The following GFPT1 variants were observed in gnomAD, a reference collection of about 807,000 sequenced individuals.
GFPT1 encodes glutamine--fructose-6-phosphate transaminase 1, also known as glutamine--fructose-6-phosphate aminotransferase [isomerizing] 1.
A neutral mutation model predicts 92.0 loss-of-function variants in GFPT1; 40 were observed. The observed-to-expected ratio is 0.43, with a 90% CI of 0.34 to 0.57. The LOEUF is 0.57. Ranked by LOEUF, GFPT1 falls within the 20% of genes least tolerant of loss-of-function variation. The pLI is 0.02. For missense variants in GFPT1, 448 were observed against 869.1 expected, an observed-to-expected ratio of 0.52 and a Z score of 6.09; for synonymous variants, 269 against 280.6, an observed-to-expected ratio of 0.96 and a Z score of 0.41.
chr2:69,379,043 G>A (rs1050510131), intron 1 of GFPT1, among the ~76,000 whole-genome samples: 2 of 152,012 alleles, frequency 1.3e-5, no homozygotes, highest in Non-Finnish European at 2.9e-5. Context: ...TCAGGAGTTC[G>A]AAACCAGCCA....
chr2:69,329,487 C>T (rs1394345461), intron 16 of GFPT1, 63 bp from the exon 17 acceptor site: 4 of 1,276,392 alleles, frequency 3.1e-6, no homozygotes, highest in Non-Finnish European at 4.5e-6. Flanking sequence ...AATATATTGG[C>T]AGCAAATAAC....
chr2:69,387,058 C>T lies in GFPT1; in HGVS notation c.7+7G>A. 1 of 1,535,030 alleles carries T rather than the reference C, an allele frequency of 6.5e-7. No homozygotes were observed. Among genetic ancestry groups the T allele is most frequent in the South Asian group, 1.2e-5 (1 of 84,258 alleles). ...GGCAACACGCCCCCCGCTCCCGGCC[C>T]CCTTACCACACATGATGCCGGAGAC... On this transcript the variant is annotated splice_region_variant and intron_variant, in intron 1 of 19. Coordinates refer to ENST00000357308, the MANE Select transcript of GFPT1 (RefSeq NM_001244710.2).
chr2:69,342,223 T>A lies in GFPT1; in HGVS notation c.1132A>T (p.Ile378Leu). The stretch of plus-strand genomic sequence containing the variant: ...CGCCGGCATCTCTGGATCTCCTTTA[T>A]GTGATCCTTCAAACCACCCAAATTC... Reference protein sequence around the residue: ...TVNLGGLKDHIKEIQRCRRLI... With the variant: ...TVNLGGLKDHLKEIQRCRRLI... Residue 378 changes from isoleucine to leucine, a missense_variant, in exon 13 of 20, where the codon ATA (isoleucine) becomes TTA (leucine). This residue lies in a region of GFPT1 where 121 missense variants were observed against 304.3 expected (regional missense o/e 0.40). Transcript: ENST00000357308. The A allele has an allele frequency of 6.2e-7, 1 of 1,607,696 alleles. No homozygotes were observed.
Position 69,321,831 on chromosome 2 carries a change from G to T in GFPT1, c.*4358C>A, listed in dbSNP as rs1053982933. ...TTTGAGAATTTCCAAAGATGTTCTCGCTAGCCATTATTTATGGTAATTACA... is the reference window on the plus strand; with the variant it reads ...TTTGAGAATTTCCAAAGATGTTCTCTCTAGCCATTATTTATGGTAATTACA... On this transcript the variant is annotated 3_prime_UTR_variant, in exon 20 of 20. Transcript: ENST00000357308. The T allele has an allele frequency of 6.6e-6, 1 of 152,126 alleles. No individual in the cohort carries two copies. The highest frequency in any genetic ancestry group is 1.5e-5 in the Non-Finnish European group (1 of 68,016). The allele number at this position is 152,126 out of a possible 1,614,324, so 9.4% of individuals were successfully genotyped here.
chr2:69,337,308 G>A (rs1043594535), intron 15 of GFPT1, among the ~76,000 whole-genome samples: 20 of 151,762 alleles, frequency 1.3e-4, no homozygotes, highest in Admixed American at 1.0e-3. Flanking sequence ...CAAATGATCC[G>A]CCCGCCTCAG....
At chr2:69,366,458 T>C (rs1009636141) in intron 3 of GFPT1, among the ~76,000 whole-genome samples, 2 of 152,178 alleles carry the variant, frequency 1.3e-5, no homozygotes, top group Admixed American at 1.3e-4. Flanking sequence ...GTTTCTCTTC[T>C]CCCATCTACT....
At chr2:69,384,734 A>T (rs1672091369) in intron 1 of GFPT1, among the ~76,000 whole-genome samples, 1 of 150,462 alleles carries the variant, frequency 6.6e-6, no homozygotes, top group Non-Finnish European at 1.5e-5. Context: ...GAAAGAAAAG[A>T]AAGAAGAGAA....
At chr2:69,330,152 C>T (rs1670626661) in intron 15 of GFPT1, among the ~76,000 whole-genome samples, 1 of 152,124 alleles carries the variant, frequency 6.6e-6, no homozygotes, top group Admixed American at 6.5e-5. Context: ...TTGCAGTGAA[C>T]CAGGATCGCA....
chr2:69,333,085 C>T (rs930175583), intron 15 of GFPT1, among the ~76,000 whole-genome samples: 6 of 152,178 alleles, frequency 3.9e-5, no homozygotes, highest in African/African-American at 1.4e-4. Context: ...GAGTCCTCTG[C>T]CTCCGAGACT....
chr2:69,386,955 CTT>C, intron 1 of GFPT1, 108 bp downstream of exon 1: 1 of 897,578 alleles, frequency 1.1e-6, no homozygotes, highest in South Asian at 1.4e-5. Context: ...ATCACCCAGA[CTT>C]CGCACCCTCC....
In GFPT1 at chr2:69,357,955, T is replaced by C. The variant is rs554785431; in HGVS notation, c.543+374A>G. 7.2e-5 allele frequency among the ~76,000 whole-genome samples: 11 copies of C among 152,292 alleles called. No individual in the cohort carries two copies. The East Asian group carries it at 2.1e-3, about 29-fold the overall frequency. On this transcript the variant is annotated intron_variant, in intron 6 of 19. Coordinates refer to ENST00000357308, the MANE Select transcript of GFPT1 (RefSeq NM_001244710.2). ...GTGAAGCTACTATTGTGCTAAGTTA[T>C]TGGTTGAGAAGAACACTCGGATGAG...
intron 4 of GFPT1, among the ~76,000 whole-genome samples, chr2:69,360,648 G>A (rs904989280): frequency 6.6e-6 from 1 of 151,872 alleles, no homozygotes; most frequent in Non-Finnish European, 1.5e-5. Context: ...TGTTGCCCAG[G>A]CTAGTCTCCT....
At chr2:69,332,458 C>T (rs113903221) in intron 15 of GFPT1, among the ~76,000 whole-genome samples, 6 of 151,850 alleles carry the variant, frequency 4.0e-5, no homozygotes, top group East Asian at 1.9e-4. Flanking sequence ...GGATTACAGG[C>T]GCCCGCCACC....
At chr2:69,335,311 T>C (rs1488411097) in intron 15 of GFPT1, among the ~76,000 whole-genome samples, 2 of 152,272 alleles carry the variant, frequency 1.3e-5, no homozygotes, top group South Asian at 4.1e-4. Flanking sequence ...CCAGCCTGTA[T>C]GTAAAATTTT....
intron 15 of GFPT1, among the ~76,000 whole-genome samples, chr2:69,332,496 T>C (rs1204653085): frequency 6.6e-6 from 1 of 151,772 alleles, no homozygotes; most frequent in Non-Finnish European, 1.5e-5. Flanking sequence ...TCGTGTTTTT[T>C]TAGTAGAGAC....
At chr2:69,332,212 A>G (rs1670679430) in intron 15 of GFPT1, among the ~76,000 whole-genome samples, 1 of 152,094 alleles carries the variant, frequency 6.6e-6, no homozygotes, top group African/African-American at 2.4e-5. Flanking sequence ...TTGTGCTAGG[A>G]ATTTAATGCT....
chr2:69,328,451 A>C lies in GFPT1; in HGVS notation c.1726-13T>G. ...TTTCTTTGATTTTCTAATAGGAAAG[A>C]ACCAGATTTGTCTTCAATCCACTTT... On this transcript the variant is annotated splice_polypyrimidine_tract_variant and intron_variant, in intron 17 of 19. Transcript: ENST00000357308. 6.3e-7 allele frequency: 1 copy of C among 1,599,974 alleles called. No homozygotes were observed. The highest frequency in any genetic ancestry group is 8.6e-7 in the Non-Finnish European group (1 of 1,167,136).
At chr2:69,365,429 G>A (rs57426400) in intron 3 of GFPT1, among the ~76,000 whole-genome samples, 1 of 152,068 alleles carries the variant, frequency 6.6e-6, no homozygotes, top group East Asian at 1.9e-4. Flanking sequence ...CTGAGATCAT[G>A]CCACTGCCCT....
intron 12 of GFPT1, among the ~76,000 whole-genome samples, chr2:69,343,630 T>A: frequency 6.6e-6 from 1 of 152,038 alleles, no homozygotes. Flanking sequence ...TAGGCTCGTC[T>A]CGGACTCCTG....
Sources: allele counts gnomAD v4.1 joint callset (sites outside exome capture counted in the v4.1 genomes callset), GRCh38; gene constraint gnomAD v4.1.1; regional missense constraint gnomAD v4.1.1; transcripts MANE v1.5; gene names NCBI Gene and HGNC (gene_info 2026-07-23, HGNC 2026-07-21).